NTRK1: variants seen among roughly 807,000 people sequenced by gnomAD.
The protein encoded by NTRK1 is neurotrophic receptor tyrosine kinase 1, also known as high affinity nerve growth factor receptor.
Under a neutral mutation model 86.8 loss-of-function variants are expected in NTRK1, and 62 were observed. The ratio of observed to expected loss-of-function variants is 0.71; its 90% confidence interval spans 0.58 to 0.88. NTRK1 has a LOEUF of 0.88. NTRK1 is among the 40% of genes least tolerant of loss of function. NTRK1 has a pLI of 0.00. For missense variants in NTRK1, 967 were observed against 1,078.4 expected (o/e 0.90, Z 1.45); for synonymous variants, 469 against 456.6 (o/e 1.03, Z -0.35).
At position 156,876,226 on chromosome 1, in the gene NTRK1, G is replaced by C. The variant is rs781599974; in HGVS notation, c.1632+16G>C. The C allele has an allele frequency of 5.6e-6, 9 of 1,613,398 alleles. No individual in the cohort carries two copies. Among genetic ancestry groups the C allele is most frequent in the Non-Finnish European group, 5.1e-6 (6 of 1,179,950 alleles). ...GGCTGTCAAGGTGAGACCCTGCCCC[G>C]GGGGGTACTGCTGGCCTGGGTCCCA... On this transcript the variant is annotated intron_variant, in intron 13 of 16. Transcript: ENST00000524377.
intron 1 of NTRK1, among the ~76,000 whole-genome samples, chr1:156,828,812 G>A (rs772981468): frequency 1.3e-5 from 2 of 152,212 alleles, no homozygotes; most frequent in Admixed American, 6.5e-5. Context: ...CGTAAAATGG[G>A]AATAACCCAG....
intron 8 of NTRK1, 160 bp from the exon 9 acceptor site, chr1:156,874,223 C>A (rs542825364): frequency 8.7e-7 from 1 of 1,145,764 alleles, no homozygotes; most frequent in Non-Finnish European, 1.3e-6. Flanking sequence ...AAAAGGGTCA[C>A]ATGCATCTTC....
chr1:156,848,911 C>T (rs750232468), intron 2 of NTRK1: 4 of 1,559,432 alleles, frequency 2.6e-6, no homozygotes, highest in East Asian at 2.4e-5. Context: ...GCCCCGCCCC[C>T]GGCACTCACG....
In NTRK1 at chr1:156,868,563, G is replaced by A. The variant is rs1317497700; in HGVS notation, c.633G>A (p.Val211=). 4 of 1,555,734 alleles carry A rather than the reference G, an allele frequency of 2.6e-6. No individual in the cohort carries two copies. The highest frequency in any genetic ancestry group is 2.4e-5 in the South Asian group (2 of 84,308). Residue 211 remains valine, a synonymous_variant, in exon 6 of 17, where the codon GTG becomes GTA. Transcript: ENST00000524377. ...PNASVDVGDD[V]LLRCQVEGRG... is the part of the protein sequence containing the mutation. ...CCTCGGTGGATGTGGGGGACGACGT[G>A]CTGCTGCGGTGCCAGGTGGAGGGGC...
chr1:156,876,285 G>A lies in NTRK1; in HGVS notation c.1632+75G>A, dbSNP rs945092494. ...AGCTCCATCACATCAGGACAGAGTGGGGGGAGATGCAGAGGGCTGACATGG... is the reference window on the plus strand; with the variant it reads ...AGCTCCATCACATCAGGACAGAGTGAGGGGAGATGCAGAGGGCTGACATGG... On this transcript the variant is annotated intron_variant, in intron 13 of 16. Coordinates refer to ENST00000524377, the MANE Select transcript of NTRK1 (RefSeq NM_002529.4). 5.0e-6 allele frequency: 8 copies of A among 1,611,282 alleles called. No homozygotes were observed. The African/African-American group carries it at 1.1e-4, about 22-fold the overall frequency.
intron 8 of NTRK1, 159 bp from the exon 9 acceptor site, chr1:156,874,224 A>T (rs900569556): frequency 2.6e-6 from 3 of 1,148,690 alleles, no homozygotes; most frequent in East Asian, 4.7e-5. Flanking sequence ...AAAGGGTCAC[A>T]TGCATCTTCT....
intron 2 of NTRK1, chr1:156,845,515 C>A: frequency 6.8e-7 from 1 of 1,480,834 alleles, no homozygotes. Flanking sequence ...CGGGACCCGC[C>A]CACACAAGCA....
chr1:156,880,130 GC>G lies in NTRK1; in HGVS notation c.2181del (p.Trp728GlyfsTer92), dbSNP rs761125547. ...LWEIFTYGKQ[P>X]WYQLSNTEAI... ...GGGAGATCTTCACCTACGGCAAGCA[GC>G]CCTGGTACCAGCTCTCCAACACGGA... On this transcript the variant is annotated frameshift_variant, in exon 16 of 17. Coordinates refer to ENST00000524377, the MANE Select transcript of NTRK1 (RefSeq NM_002529.4). LOFTEE classifies it high-confidence loss of function. The G allele has an allele frequency of 1.2e-6, 2 of 1,613,236 alleles. No homozygotes were observed. The highest frequency in any genetic ancestry group is 1.7e-6 in the Non-Finnish European group (2 of 1,179,962).
chr1:156,875,435 G>T, intron 11 of NTRK1, 85 bp from the exon 12 acceptor site: 1 of 1,559,642 alleles, frequency 6.4e-7, no homozygotes, highest in Non-Finnish European at 8.8e-7. Context: ...GTTACAAGGT[G>T]GGGGTGACCA....
At chr1:156,840,733 C>T (rs778758617) in intron 1 of NTRK1, 15 of 685,776 alleles carry the variant, frequency 2.2e-5, no homozygotes, top group African/African-American at 5.4e-5. Context: ...CACAGCCTTC[C>T]CTGCTCCTGT....
chr1:156,823,347 C>T (rs138423713), intron 1 of NTRK1, among the ~76,000 whole-genome samples: 1 of 152,314 alleles, frequency 6.6e-6, no homozygotes, highest in African/African-American at 2.4e-5. Flanking sequence ...CCAGATGGTG[C>T]CTTCCTGAGC....
chr1:156,841,206 C>T, intron 1 of NTRK1: 1 of 1,041,988 alleles, frequency 9.6e-7, no homozygotes, highest in Non-Finnish European at 1.4e-6. Context: ...GATCGTGGGC[C>T]ATTATGCCTG....
At chr1:156,852,789 G>A (rs1655271684) in intron 2 of NTRK1, among the ~76,000 whole-genome samples, 1 of 152,262 alleles carries the variant, frequency 6.6e-6, no homozygotes, top group African/African-American at 2.4e-5. Flanking sequence ...GCCAGGTCGT[G>A]TTGACACTGT....
chr1:156,879,637 G>A (rs982310978), intron 15 of NTRK1, among the ~76,000 whole-genome samples: 1 of 152,158 alleles, frequency 6.6e-6, no homozygotes, highest in East Asian at 1.9e-4. Flanking sequence ...TTGAGACGGC[G>A]TCTCACTCTG....
chr1:156,825,708 GA>G (rs762031713), intron 1 of NTRK1, among the ~76,000 whole-genome samples: 10 of 152,218 alleles, frequency 6.6e-5, no homozygotes, highest in Non-Finnish European at 1.0e-4. Flanking sequence ...TCATAGTCAA[GA>G]GACTTAGCTT....
intron 1 of NTRK1, among the ~76,000 whole-genome samples, chr1:156,839,647 C>T (rs1654703474): frequency 6.6e-6 from 1 of 152,164 alleles, no homozygotes; most frequent in Non-Finnish European, 1.5e-5. Context: ...CTGGCATGAA[C>T]AGGTGATGTC....
At chr1:156,871,843 G>T in intron 7 of NTRK1, 88 bp downstream of exon 7, 1 of 1,567,542 alleles carries the variant, frequency 6.4e-7, no homozygotes, top group Non-Finnish European at 8.7e-7. Flanking sequence ...CTGGAAGAAA[G>T]GGTGGGATGT....
In NTRK1 at chr1:156,854,126, A is replaced by C. The variant is rs924858073; in HGVS notation, c.51-10228A>C. 1.2e-6 allele frequency: 2 copies of C among 1,614,066 alleles called. No homozygotes were observed. The highest frequency in any genetic ancestry group is 2.7e-5 in the African/African-American group (2 of 74,956). ...GTCGCGCAGGCTCTCCAGTCCGTAG[A>C]CACGGAAGAGCAGCAGGTAGTCGGT... On this transcript the variant is annotated intron_variant, in intron 2 of 16. Coordinates refer to the NTRK1 transcript ENST00000392302. This position sits in a 1 kb window ranked among gnomAD's most constrained non-coding sequence, Gnocchi z 4.2.
intron 8 of NTRK1, 132 bp from the exon 9 acceptor site, chr1:156,874,251 G>A: frequency 2.9e-6 from 4 of 1,381,530 alleles, no homozygotes; most frequent in Non-Finnish European, 4.1e-6. Context: ...AGGCCCAGCA[G>A]CCCACCTCCA....
Sources: allele counts gnomAD v4.1 joint callset (sites outside exome capture counted in the v4.1 genomes callset), GRCh38; gene constraint gnomAD v4.1.1; non-coding constraint Gnocchi (gnomAD v3.1); transcripts MANE v1.5; gene names NCBI Gene and HGNC (gene_info 2026-07-23, HGNC 2026-07-21).